OSBPL1A: variants seen among roughly 807,000 people sequenced by gnomAD.
OSBPL1A encodes the protein oxysterol-binding protein-related protein 1.
OSBPL1A carries 80 observed loss-of-function variants against 137.1 expected under a neutral mutation model. That is an observed-to-expected ratio of 0.58 (90% CI 0.49 to 0.70). The LOEUF (loss-of-function observed/expected upper bound fraction) is 0.70, where lower values mean the gene tolerates loss of function less well. Among genes scored for constraint, OSBPL1A ranks in the 30% least tolerant of loss-of-function variants. OSBPL1A has a pLI of 0.00. For missense variants in OSBPL1A, 970 were observed against 1,129.4 expected (o/e 0.86, Z 2.02); for synonymous variants, 365 against 389.7 (o/e 0.94, Z 0.75).
chr18:24,275,751 C>A (rs868744259), intron 15 of OSBPL1A, among the ~76,000 whole-genome samples: 2 of 148,012 alleles, frequency 1.4e-5, no homozygotes, highest in African/African-American at 5.0e-5. Flanking sequence ...TTTCTTGAGA[C>A]GGAGTCTCAC....
At position 24,377,400 on chromosome 18, in the gene OSBPL1A, A is replaced by G; in HGVS notation, c.121+13T>C. ...CTCATAAGAGAAAGCTACAAAATCC[A>G]TTCAAAGTTTACCTTTGCAATTAAT... On this transcript the variant is annotated intron_variant, in intron 2 of 27. Coordinates refer to ENST00000319481, the MANE Select transcript of OSBPL1A (RefSeq NM_080597.4). 6.3e-7 allele frequency: 1 copy of G among 1,599,738 alleles called. No homozygotes were observed. The highest frequency in any genetic ancestry group is 8.5e-7 in the Non-Finnish European group (1 of 1,175,902).
chr18:24,230,836 T>C (rs1465190576), intron 16 of OSBPL1A, among the ~76,000 whole-genome samples: 3 of 152,240 alleles, frequency 2.0e-5, no homozygotes, highest in Non-Finnish European at 2.9e-5. Context: ...TAGGAAAATC[T>C]GTGCAGCCCT....
intron 4 of OSBPL1A, among the ~76,000 whole-genome samples, chr18:24,362,810 T>G (rs190128697): frequency 9.2e-5 from 14 of 152,146 alleles, no homozygotes; most frequent in African/African-American, 3.4e-4. Flanking sequence ...CTGGACAAAA[T>G]TGTCAAAACT....
intron 15 of OSBPL1A, among the ~76,000 whole-genome samples, chr18:24,242,495 A>G (rs1370532696): frequency 6.6e-6 from 1 of 151,366 alleles, no homozygotes; most frequent in Non-Finnish European, 1.5e-5. Context: ...ACCTCTTGAC[A>G]CTCCCTCTCC....
At chr18:24,379,720 T>G (rs1047951521) in intron 1 of OSBPL1A, among the ~76,000 whole-genome samples, 4 of 149,050 alleles carry the variant, frequency 2.7e-5, no homozygotes, top group Non-Finnish European at 5.9e-5. Context: ...AAAAAAAAAA[T>G]TTAGCCAGGT....
intron 17 of OSBPL1A, 148 bp downstream of exon 17, chr18:24,224,894 G>C (rs1329595823): frequency 2.0e-6 from 2 of 995,640 alleles, no homozygotes; most frequent in African/African-American, 3.3e-5. Context: ...AGGAAAAAGT[G>C]CTTAAGTTAA....
intron 21 of OSBPL1A, among the ~76,000 whole-genome samples, chr18:24,172,784 G>C (rs1398988896): frequency 1.3e-5 from 2 of 151,910 alleles, no homozygotes; most frequent in African/African-American, 4.8e-5. Flanking sequence ...ATTAAAAAAA[G>C]CTAAAGTAGA....
chr18:24,391,543 C>G (rs1907356264), intron 1 of OSBPL1A, among the ~76,000 whole-genome samples: 1 of 138,368 alleles, frequency 7.2e-6, no homozygotes, highest in African/African-American at 2.7e-5. Context: ...GGCAACACAG[C>G]AAGACCCCAG....
At chr18:24,279,624 T>C (rs193087374) in intron 15 of OSBPL1A, among the ~76,000 whole-genome samples, 26 of 152,160 alleles carry the variant, frequency 1.7e-4, no homozygotes, top group Admixed American at 1.2e-3. Flanking sequence ...ATCTAAAATA[T>C]TGAAGATTAG....
Position 24,172,358 on chromosome 18 carries a change from G to T in OSBPL1A, c.2201+18C>A, listed in dbSNP as rs749213545. On this transcript the variant is annotated intron_variant, in intron 22 of 27. Coordinates refer to ENST00000319481, the MANE Select transcript of OSBPL1A (RefSeq NM_080597.4). ...GATGAAAACTGAAGGAATGGACGAA[G>T]TACCCAAGGTGCCTTACTTGTGGTT... 19 of 1,565,972 alleles carry T rather than the reference G, an allele frequency of 1.2e-5. No homozygotes were observed. The highest frequency in any genetic ancestry group is 1.6e-5 in the Non-Finnish European group (18 of 1,137,656).
intron 20 of OSBPL1A, 116 bp from the exon 21 acceptor site, chr18:24,178,311 T>TC: frequency 9.4e-7 from 1 of 1,067,112 alleles, no homozygotes; most frequent in Non-Finnish European, 1.3e-6. Flanking sequence ...TTGTTGTTGT[T>TC]GAGACAAAAT....
chr18:24,270,328 GAGTATC>G (rs2089687437), intron 15 of OSBPL1A, among the ~76,000 whole-genome samples: 1 of 152,142 alleles, frequency 6.6e-6, no homozygotes, highest in South Asian at 2.1e-4. Flanking sequence ...AAACCACCCT[GAGTATC>G]AGTAAGACCT....
In OSBPL1A at chr18:24,179,837, T is replaced by C; in HGVS notation, c.1813-2A>G. On this transcript the variant is annotated splice_acceptor_variant, in intron 19 of 27. Coordinates refer to ENST00000319481, the MANE Select transcript of OSBPL1A (RefSeq NM_080597.4). LOFTEE classifies it high-confidence loss of function. The stretch of plus-strand genomic sequence containing the variant: ...AGATACAGCAAACGCAGCTACACAC[T>C]GTGGGACAGAGCATGAGAACAAGTC... 6.2e-7 allele frequency: 1 copy of C among 1,613,380 alleles called. No individual in the cohort carries two copies. The highest frequency in any genetic ancestry group is 8.5e-7 in the Non-Finnish European group (1 of 1,179,344).
chr18:24,207,838 T>C (rs1289018742), intron 17 of OSBPL1A, among the ~76,000 whole-genome samples: 2 of 152,152 alleles, frequency 1.3e-5, no homozygotes, highest in Admixed American at 1.3e-4. Flanking sequence ...CTCTGCCTCC[T>C]GGGTTCAAGC....
rs548489924 is a variant in OSBPL1A at position 24,251,781 on chromosome 18, G to A, written c.1282-12399C>T. On this transcript the variant is annotated intron_variant, in intron 15 of 27. Transcript: ENST00000319481. ...AGAGGGACATGTGACATTTCAGAGT[G>A]AATTCAAAATAGTCATTTTGAGGAA... is the stretch of plus-strand genomic sequence containing the variant. Among the ~76,000 whole-genome samples, 5 of 152,260 alleles carry A rather than the reference G, an allele frequency of 3.3e-5. No homozygotes were observed. In the South Asian group the frequency reaches 8.3e-4, roughly 25 times the overall value.
At chr18:24,300,058 G>C (rs758517383) in intron 14 of OSBPL1A, among the ~76,000 whole-genome samples, 1 of 152,134 alleles carries the variant, frequency 6.6e-6, no homozygotes, top group African/African-American at 2.4e-5. Flanking sequence ...ATTACTTTAG[G>C]TGATTTTGTT....
At chr18:24,226,269 C>T (rs1411214093) in intron 16 of OSBPL1A, among the ~76,000 whole-genome samples, 2 of 152,180 alleles carry the variant, frequency 1.3e-5, no homozygotes, top group East Asian at 1.9e-4. Context: ...TGGTTATTAA[C>T]AAGCATGCTA....
intron 1 of OSBPL1A, among the ~76,000 whole-genome samples, chr18:24,379,483 G>A (rs1445635610): frequency 1.3e-5 from 2 of 150,322 alleles, no homozygotes; most frequent in African/African-American, 2.5e-5. Flanking sequence ...TCATGCCACT[G>A]CACTCCAGCC....
intron 15 of OSBPL1A, among the ~76,000 whole-genome samples, chr18:24,273,409 T>A (rs1045450535): frequency 6.6e-6 from 1 of 152,230 alleles, no homozygotes; most frequent in Non-Finnish European, 1.5e-5. Flanking sequence ...ATTACCTTCT[T>A]GTTTTAAAAG....
Sources: allele counts gnomAD v4.1 joint callset (sites outside exome capture counted in the v4.1 genomes callset), GRCh38; gene constraint gnomAD v4.1.1; transcripts MANE v1.5; gene names NCBI Gene and HGNC (gene_info 2026-07-23, HGNC 2026-07-21).